The following NLRC4 variants were observed in gnomAD, a reference collection of about 807,000 sequenced individuals.
NLRC4 encodes NLR family CARD domain containing 4.
A neutral mutation model predicts 79.9 loss-of-function variants in NLRC4; 63 were observed. The ratio of observed to expected loss-of-function variants is 0.79; its 90% CI spans 0.64 to 0.97. NLRC4 has a LOEUF of 0.97. Ranked by LOEUF, NLRC4 falls within the 50% of genes least tolerant of loss-of-function variation. The pLI, the probability that NLRC4 is intolerant of heterozygous loss-of-function variation, is 0.00. For missense variants in NLRC4, 1,074 were observed against 1,215.2 expected (o/e 0.88, Z 1.73); for synonymous variants, 461 against 456.5 (o/e 1.01, Z -0.12).
At chr2:32,240,059 C>T (rs895865326) in intron 5 of NLRC4, among the ~76,000 whole-genome samples, 1 of 152,238 alleles carries the variant, frequency 6.6e-6, no homozygotes, top group Non-Finnish European at 1.5e-5. Context: ...CGGCTCACTA[C>T]AACCTCCTCC....
At chr2:32,257,281 T>C (rs1387710955) in intron 1 of NLRC4, among the ~76,000 whole-genome samples, 2 of 152,292 alleles carry the variant, frequency 1.3e-5, no homozygotes, top group East Asian at 3.9e-4. Flanking sequence ...GAGGAAGTTT[T>C]CATGGAGGAG....
chr2:32,228,945 T>C, intron 8 of NLRC4, among the ~76,000 whole-genome samples: 1 of 151,848 alleles, frequency 6.6e-6, no homozygotes. Flanking sequence ...TTTGTATTTT[T>C]AGTAGAGACA....
chr2:32,254,086 A>G (rs1237655046), intron 2 of NLRC4, among the ~76,000 whole-genome samples: 1 of 151,804 alleles, frequency 6.6e-6, no homozygotes, highest in Admixed American at 6.6e-5. Flanking sequence ...TATTCCTACC[A>G]TGGCCTATTT....
Position 32,250,247 on chromosome 2 carries a change from GT to G in NLRC4, c.1616del (p.Asn539ThrfsTer8), listed in dbSNP as rs760634156. 1.2e-6 allele frequency: 2 copies of G among 1,614,176 alleles called. No homozygotes were observed. Among genetic ancestry groups the G allele is most frequent in the Non-Finnish European group, 1.7e-6 (2 of 1,180,042 alleles). On this transcript the variant is annotated frameshift_variant, in exon 4 of 9. Transcript: ENST00000402280. LOFTEE classifies it high-confidence loss of function. This position sits in a 1 kb window ranked among gnomAD's most constrained non-coding sequence, Gnocchi z 4.9. ...CTTTCAGAATTTCTTGCTCAGTGGT[GT>G]TTTTCACACTTTGCAAAGATTCCTG... ...WRQESLQSVK[N>X]TTEQEILKAI...
intron 8 of NLRC4, among the ~76,000 whole-genome samples, chr2:32,230,854 C>T (rs562737326): frequency 6.6e-6 from 1 of 152,208 alleles, no homozygotes; most frequent in East Asian, 1.9e-4. Context: ...GAATGTTTTC[C>T]TCAGCAGCTG....
At chr2:32,252,360 G>C in intron 3 of NLRC4, 59 bp downstream of exon 3, 2 of 1,286,868 alleles carry the variant, frequency 1.6e-6, no homozygotes. Context: ...GGGGAAGATG[G>C]ATCTTTGTTG....
chr2:32,256,103 C>T (rs1687202753), intron 2 of NLRC4, among the ~76,000 whole-genome samples: 1 of 152,028 alleles, frequency 6.6e-6, no homozygotes, highest in South Asian at 2.1e-4. Context: ...TGTAGACCAT[C>T]ATACTCCTTC....
chr2:32,224,602 T>C lies in NLRC4; in HGVS notation c.2946A>G (p.Ala982=). The change falls in exon 9 of 9, where the codon GCA becomes GCG. Residue 982 remains alanine, a synonymous_variant. Coordinates refer to ENST00000402280, the MANE Select transcript of NLRC4 (RefSeq NM_001199138.2). ...ACACTTGGCTAAGTTTTCTGACTAA[T>C]GCTGGATCAGGTAGAAATTCTTTAG... ...FSTKEFLPDP[A]LVRKLSQVLS... is the part of the protein sequence containing the mutation. 1 of 1,613,958 alleles carries C rather than the reference T, an allele frequency of 6.2e-7. No homozygotes were observed. The highest frequency in any genetic ancestry group is 1.3e-5 in the African/African-American group (1 of 75,050).
intron 5 of NLRC4, among the ~76,000 whole-genome samples, chr2:32,239,494 C>T (rs1237146404): frequency 1.3e-5 from 2 of 152,054 alleles, no homozygotes; most frequent in Non-Finnish European, 2.9e-5. Flanking sequence ...GGATCCCCTA[C>T]TTAATAATTA....
intron 8 of NLRC4, among the ~76,000 whole-genome samples, chr2:32,228,341 C>G (rs1023534290): frequency 1.3e-5 from 2 of 152,028 alleles, no homozygotes; most frequent in African/African-American, 4.8e-5. Context: ...GGGAAAAGGC[C>G]CTACAAAGAA....
At chr2:32,226,404 GTTC>G (rs1686399151) in intron 8 of NLRC4, among the ~76,000 whole-genome samples, 2 of 152,272 alleles carry the variant, frequency 1.3e-5, no homozygotes, top group South Asian at 4.1e-4. Flanking sequence ...AGGTCTTCAG[GTTC>G]TTCTTTACAG....
intron 2 of NLRC4, among the ~76,000 whole-genome samples, chr2:32,252,975 G>A (rs899316259): frequency 3.3e-5 from 5 of 151,624 alleles, no homozygotes; most frequent in Admixed American, 2.0e-4. Flanking sequence ...CTGAGATAGC[G>A]CCACTGCACT....
In NLRC4 at chr2:32,252,988, G is replaced by A. The variant is rs111472357; in HGVS notation, c.2-309C>T. ...AGCTGAGATAGCGCCACTGCACTCCGGCCTGGGCGAAAGAGCGAGACTCCG... is the reference window on the plus strand; with the variant it reads ...AGCTGAGATAGCGCCACTGCACTCCAGCCTGGGCGAAAGAGCGAGACTCCG... On this transcript the variant is annotated intron_variant, in intron 2 of 8. Coordinates refer to ENST00000402280, the MANE Select transcript of NLRC4 (RefSeq NM_001199138.2). 3.9e-3 allele frequency among the ~76,000 whole-genome samples: 599 copies of A among 151,794 alleles called. 4 individuals are homozygous for A. The highest frequency in any genetic ancestry group is 0.013 in the African/African-American group (552 of 41,456).
At chr2:32,243,220 C>T (rs1264804243) in intron 4 of NLRC4, among the ~76,000 whole-genome samples, 2 of 151,230 alleles carry the variant, frequency 1.3e-5, no homozygotes, top group Non-Finnish European at 2.9e-5. Flanking sequence ...ACCAGCCTGG[C>T]CAACATGGTG....
rs754475682 is a variant in NLRC4, at chr2:32,251,506, G to C, written c.358C>G (p.Leu120Val). The C allele has an allele frequency of 1.9e-6, 3 of 1,613,984 alleles. No homozygotes were observed. In the South Asian group the frequency reaches 3.3e-5, roughly 18 times the overall value. ...AAAATAATGTCAATATCTTCACCAA[G>C]GGGATAAAAGTTCAGAAAAGATGGG... ...HTPSFLNFYP[L>V]GEDIDIIFNL... The change falls in exon 4 of 9, where the codon CTT (leucine) becomes GTT (valine). Residue 120 changes from leucine to valine, a missense_variant. Leu to Val is a conservative substitution (Grantham distance 32). Transcript: ENST00000402280.
chr2:32,249,586 A>G (rs1031499208), intron 4 of NLRC4, 21 bp downstream of exon 4: 4 of 1,526,846 alleles, frequency 2.6e-6, no homozygotes, highest in Non-Finnish European at 3.5e-6. Context: ...ACAAAGCACA[A>G]ACCACTGATA....
In NLRC4 at chr2:32,247,655, T is replaced by TTTAAAC. The variant is rs1156916863; in HGVS notation, c.2257+1951_2257+1952insGTTTAA. Among the ~76,000 whole-genome samples the TTTAAAC allele has an allele frequency of 2.0e-5, 3 of 152,028 alleles. No individual in the cohort carries two copies. The East Asian group carries it at 5.8e-4, about 29-fold the overall frequency. ...TTTAATATATTTAAACACATACATA[T>TTTAAAC]ATGTATCTATGTATGTATGTGTATA... On this transcript the variant is annotated intron_variant, in intron 4 of 8. Coordinates refer to ENST00000402280, the MANE Select transcript of NLRC4 (RefSeq NM_001199138.2).
At chr2:32,232,398 A>G (rs574749289) in intron 8 of NLRC4, among the ~76,000 whole-genome samples, 2 of 152,346 alleles carry the variant, frequency 1.3e-5, no homozygotes, top group Admixed American at 1.3e-4. Flanking sequence ...ACAAAATTTT[A>G]AAAAGGGAAA....
At chr2:32,261,041 A>C (rs1687330803) in intron 1 of NLRC4, among the ~76,000 whole-genome samples, 1 of 151,450 alleles carries the variant, frequency 6.6e-6, no homozygotes, top group Admixed American at 6.6e-5. Flanking sequence ...AAAATTCAAA[A>C]ATTTAGCCAG....
Sources: gnomAD v4.1 joint callset for allele counts (sites outside exome capture counted in the v4.1 genomes callset) on GRCh38, gnomAD v4.1.1 for gene constraint, Gnocchi (gnomAD v3.1) non-coding constraint, MANE v1.5 for transcripts, NCBI Gene and HGNC (gene_info 2026-07-23, HGNC 2026-07-21) for gene names.